Variants in TRIO observed in about 807,000 individuals in gnomAD.
TRIO encodes the protein triple functional domain protein.
Under a neutral mutation model 351.9 loss-of-function variants are expected in TRIO, and 58 were observed. The ratio of observed to expected loss-of-function variants is 0.16; its 90% CI spans 0.13 to 0.21. The LOEUF (loss-of-function observed/expected upper bound fraction) is 0.21, where lower values mean the gene tolerates loss of function less well. Among genes scored for constraint, TRIO ranks in the 10% least tolerant of loss-of-function variants. The probability of loss-of-function intolerance (pLI) is 1.00; values close to 1 mark genes in which losing one functional copy is unlikely to be tolerated. For synonymous variants in TRIO, 1,758 were observed against 1,595.7 expected, an observed-to-expected ratio of 1.10 and a Z score of -2.42; for missense variants, 3,201 against 4,027.8, an observed-to-expected ratio of 0.79 and a Z score of 5.56.
chr5:14,419,738 A>C (rs1324954434), intron 33 of TRIO, 40 bp from the exon 34 acceptor site: 2 of 1,605,182 alleles, frequency 1.2e-6, no homozygotes, highest in Non-Finnish European at 1.7e-6. Context: ...ACCATGGCTC[A>C]CACTGGCTGA....
At chr5:14,287,326 G>A (rs1736536911) in intron 4 of TRIO, among the ~76,000 whole-genome samples, 1 of 152,230 alleles carries the variant, frequency 6.6e-6, no homozygotes, top group South Asian at 2.1e-4. Flanking sequence ...GGCCTTGGCA[G>A]AGAAGCTTGC....
At chr5:14,482,115 A>G (rs1755570137) in intron 45 of TRIO, among the ~76,000 whole-genome samples, 1 of 152,094 alleles carries the variant, frequency 6.6e-6, no homozygotes, top group African/African-American at 2.4e-5. Flanking sequence ...AAATTTGACT[A>G]CGGAGTTAAG....
intron 8 of TRIO, among the ~76,000 whole-genome samples, chr5:14,313,618 A>G (rs1297030534): frequency 3.9e-5 from 6 of 152,214 alleles, no homozygotes; most frequent in Non-Finnish European, 7.3e-5. Context: ...CTGTCATTCC[A>G]GGGCTAGTGT....
At chr5:14,403,345 GCAGC>G (rs1748311104) in intron 31 of TRIO, among the ~76,000 whole-genome samples, 1 of 97,862 alleles carries the variant, frequency 1.0e-5, no homozygotes, top group Non-Finnish European at 1.8e-5. Flanking sequence ...TGGTGAGGGT[GCAGC>G]TTGTGAGGGT....
At chr5:14,297,426 C>T in intron 7 of TRIO, 163 bp downstream of exon 7, 1 of 798,126 alleles carries the variant, frequency 1.3e-6, no homozygotes. Context: ...CTCTTTTAGT[C>T]CTTGCTGCGT....
intron 2 of TRIO, among the ~76,000 whole-genome samples, chr5:14,279,902 G>A (rs575625501): frequency 6.6e-6 from 1 of 152,326 alleles, no homozygotes; most frequent in African/African-American, 2.4e-5. Context: ...GACCCATCTT[G>A]TTGATAGGAA....
At position 14,388,605 on chromosome 5, in the gene TRIO, TC is replaced by T; in HGVS notation, c.3882-7del. The T allele has an allele frequency of 6.2e-7, 1 of 1,612,920 alleles. No homozygotes were observed. Among genetic ancestry groups the T allele is most frequent in the Non-Finnish European group, 8.5e-7 (1 of 1,179,674 alleles). On this transcript the variant is annotated splice_region_variant and splice_polypyrimidine_tract_variant and intron_variant, in intron 23 of 56. Transcript: ENST00000344204. ...GACTGTACTCCTCACTGTCTTCCTC[TC>T]TTTAAGGTTCATAATGGCTGAGCTC...
intron 1 of TRIO, among the ~76,000 whole-genome samples, chr5:14,149,207 T>C (rs1787684445): frequency 6.6e-6 from 1 of 152,196 alleles, no homozygotes; most frequent in Non-Finnish European, 1.5e-5. Flanking sequence ...GACTTCGCTC[T>C]CACTGCCAAG....
intron 37 of TRIO, among the ~76,000 whole-genome samples, chr5:14,469,028 A>G (rs1307509769): frequency 1.3e-5 from 2 of 152,228 alleles, no homozygotes; most frequent in Non-Finnish European, 2.9e-5. Context: ...CCCTGCCGCC[A>G]CAGTGATTGT....
chr5:14,284,495 G>C (rs973137061), intron 3 of TRIO, among the ~76,000 whole-genome samples: 1 of 152,198 alleles, frequency 6.6e-6, no homozygotes, highest in Non-Finnish European at 1.5e-5. Flanking sequence ...TTAGGAAGCC[G>C]CTGGGTGGGA....
chr5:14,178,107 C>A (rs1227579779), intron 1 of TRIO, among the ~76,000 whole-genome samples: 1 of 152,136 alleles, frequency 6.6e-6, no homozygotes, highest in Non-Finnish European at 1.5e-5. Context: ...TTTGCCACTT[C>A]TTTTAACCAT....
intron 34 of TRIO, among the ~76,000 whole-genome samples, chr5:14,459,604 G>T (rs1753617229): frequency 6.6e-6 from 1 of 152,156 alleles, no homozygotes; most frequent in Non-Finnish European, 1.5e-5. Context: ...GCTGGGTATG[G>T]TGGCAGTCGT....
At chr5:14,332,026 C>G (rs1317533569) in intron 10 of TRIO, among the ~76,000 whole-genome samples, 1 of 152,126 alleles carries the variant, frequency 6.6e-6, no homozygotes, top group East Asian at 1.9e-4. Context: ...TTAAAACAGC[C>G]AGTAAAGCCC....
At chr5:14,253,239 T>C (rs188411550) in intron 1 of TRIO, among the ~76,000 whole-genome samples, 2 of 152,360 alleles carry the variant, frequency 1.3e-5, no homozygotes, top group East Asian at 3.9e-4. Context: ...TTATGGCTTA[T>C]TTTTAAATGC....
chr5:14,149,128 C>T (rs188001269), intron 1 of TRIO, among the ~76,000 whole-genome samples: 19 of 152,132 alleles, frequency 1.2e-4, no homozygotes, highest in African/African-American at 3.9e-4. Context: ...CAGAGGCTTG[C>T]GGGGCCCTGC....
At chr5:14,245,208 T>C (rs554775022) in intron 1 of TRIO, among the ~76,000 whole-genome samples, 13 of 152,312 alleles carry the variant, frequency 8.5e-5, no homozygotes, top group African/African-American at 2.9e-4. Flanking sequence ...TCCCTAGTAT[T>C]TAAATTAGGT....
chr5:14,194,255 A>G (rs11949235), intron 1 of TRIO, among the ~76,000 whole-genome samples: 268 of 152,204 alleles, frequency 1.8e-3, no homozygotes, highest in African/African-American at 6.2e-3. Context: ...TTACAACTTG[A>G]TGTCTAAATA....
chr5:14,449,404 A>G lies in TRIO; in HGVS notation c.5204-11615A>G, dbSNP rs115974637. Among the ~76,000 whole-genome samples the G allele has an allele frequency of 5.9e-3, 898 of 152,136 alleles. 10 individuals are homozygous for G. Among genetic ancestry groups the G allele is most frequent in the African/African-American group, 0.02 (837 of 41,504 alleles). On this transcript the variant is annotated intron_variant, in intron 34 of 56. Transcript: ENST00000344204. ...GTGACATCGACGCGGCCAGCCTCCTATCTCTAGGGCTTCTCACTCTGGGTG... is the reference window on the plus strand; with the variant it reads ...GTGACATCGACGCGGCCAGCCTCCTGTCTCTAGGGCTTCTCACTCTGGGTG...
At chr5:14,403,642 G>T (rs1400744127) in intron 31 of TRIO, among the ~76,000 whole-genome samples, 2 of 135,900 alleles carry the variant, frequency 1.5e-5, no homozygotes, top group East Asian at 4.6e-4. Flanking sequence ...TGGTGAGGGT[G>T]CAGGTGGTGG....
Sources: allele counts gnomAD v4.1 joint callset (sites outside exome capture counted in the v4.1 genomes callset), GRCh38; gene constraint gnomAD v4.1.1; transcripts MANE v1.5; gene names NCBI Gene and HGNC (gene_info 2026-07-23, HGNC 2026-07-21).